SMYD3: variants seen among roughly 807,000 people sequenced by gnomAD.
SMYD3 encodes histone-lysine N-methyltransferase SMYD3.
Under a neutral mutation model 57.7 loss-of-function variants are expected in SMYD3, and 36 were observed. That is an observed-to-expected ratio of 0.62 (90% CI 0.48 to 0.82). SMYD3 has a LOEUF of 0.82. SMYD3 is among the 40% of genes least tolerant of loss of function. SMYD3 has a pLI of 0.00. For missense variants in SMYD3, 515 were observed against 538.8 expected (o/e 0.96, Z 0.44); for synonymous variants, 211 against 195.0 (o/e 1.08, Z -0.68).
chr1:245,913,209 G>C (rs1401223037), intron 8 of SMYD3, among the ~76,000 whole-genome samples: 22 of 152,082 alleles, frequency 1.4e-4, no homozygotes, highest in Admixed American at 3.3e-4. Context: ...CATGTCCTTT[G>C]TAGGGACATG....
intron 10 of SMYD3, among the ~76,000 whole-genome samples, chr1:245,855,310 C>T (rs115068721): frequency 0.02 from 2,249 of 114,650 alleles, 58 homozygotes; most frequent in African/African-American, 0.053. Context: ...TTTTTCTCTC[C>T]GTTTTTAGGG....
chr1:246,286,891 T>G (rs77620882), intron 5 of SMYD3, among the ~76,000 whole-genome samples: 3 of 151,846 alleles, frequency 2.0e-5, no homozygotes, highest in Non-Finnish European at 4.4e-5. Flanking sequence ...TTTTTTTTTT[T>G]GAGACAGTCT....
intron 5 of SMYD3, among the ~76,000 whole-genome samples, chr1:246,105,399 A>G (rs1159046026): frequency 2.6e-5 from 4 of 152,174 alleles, no homozygotes; most frequent in Non-Finnish European, 4.4e-5. Flanking sequence ...AAAATGAACA[A>G]TGATCAATGT....
chr1:245,961,560 T>C lies in SMYD3; in HGVS notation c.532-31623A>G, dbSNP rs141173062. 1.1e-3 allele frequency among the ~76,000 whole-genome samples: 160 copies of C among 151,664 alleles called. 1 individual carries two copies. The highest frequency in any genetic ancestry group is 3.7e-3 in the African/African-American group (153 of 41,194). ...GCCTAAATCATCCTTCTCTTCTACC[T>C]GTTGTTTCTGGAATAGTTTATGTCA... On this transcript the variant is annotated intron_variant, in intron 5 of 11. Transcript: ENST00000490107.
intron 5 of SMYD3, among the ~76,000 whole-genome samples, chr1:246,312,073 A>C (rs917387471): frequency 6.6e-6 from 1 of 152,142 alleles, no homozygotes; most frequent in African/African-American, 2.4e-5. Flanking sequence ...GAATCTCCGC[A>C]ATCTACTTGT....
At position 245,844,645 on chromosome 1, in the gene SMYD3, C is replaced by A. The variant is rs141531884; in HGVS notation, c.1076+13851G>T. On this transcript the variant is annotated intron_variant, in intron 10 of 11. Transcript: ENST00000490107. The stretch of plus-strand genomic sequence containing the variant: ...CTGATCTCTTTTAGTCCCAAGAACG[C>A]TAACGGCCTGCAGTCTTAGGGTTCT... 2.7e-3 allele frequency among the ~76,000 whole-genome samples: 406 copies of A among 150,310 alleles called. 3 individuals are homozygous for A. Among genetic ancestry groups the A allele is most frequent in the African/African-American group, 9.4e-3 (382 of 40,842 alleles).
intron 10 of SMYD3, among the ~76,000 whole-genome samples, chr1:245,770,712 C>A (rs922251772): frequency 6.6e-6 from 1 of 152,090 alleles, no homozygotes; most frequent in African/African-American, 2.4e-5. Context: ...TGGTAAGGTT[C>A]TCATACACAG....
At chr1:246,292,493 G>A (rs2064715275) in intron 5 of SMYD3, among the ~76,000 whole-genome samples, 1 of 152,136 alleles carries the variant, frequency 6.6e-6, no homozygotes, top group Non-Finnish European at 1.5e-5. Context: ...CAGTACCTTA[G>A]ACTTACTATC....
intron 5 of SMYD3, among the ~76,000 whole-genome samples, chr1:246,250,068 C>T (rs183509502): frequency 6.6e-6 from 1 of 152,158 alleles, no homozygotes; most frequent in African/African-American, 2.4e-5. Context: ...TTGATATATA[C>T]CTGCAAAACT....
intron 1 of SMYD3, among the ~76,000 whole-genome samples, chr1:246,410,848 G>C (rs1454305851): frequency 6.6e-6 from 1 of 152,048 alleles, no homozygotes; most frequent in Admixed American, 6.6e-5. Context: ...CAATTTCAGA[G>C]CCTGTTATTG....
chr1:246,305,448 G>GA (rs369320339), intron 5 of SMYD3, among the ~76,000 whole-genome samples: 38 of 151,870 alleles, frequency 2.5e-4, no homozygotes, highest in African/African-American at 8.9e-4. Context: ...TGTTACATTA[G>GA]AAAAAAAAGT....
chr1:246,200,473 A>G (rs2062902819), intron 5 of SMYD3, among the ~76,000 whole-genome samples: 1 of 152,298 alleles, frequency 6.6e-6, no homozygotes, highest in African/African-American at 2.4e-5. Context: ...AAGAATGTAC[A>G]CAGACGCCCA....
chr1:245,751,211 T>C (rs899505455), intron 11 of SMYD3, among the ~76,000 whole-genome samples: 2 of 152,212 alleles, frequency 1.3e-5, no homozygotes, highest in Admixed American at 6.5e-5. Flanking sequence ...CCTTCCAGAA[T>C]AGATTTTTTG....
chr1:246,231,934 T>G (rs2063413872), intron 5 of SMYD3, among the ~76,000 whole-genome samples: 1 of 152,188 alleles, frequency 6.6e-6, no homozygotes, highest in Non-Finnish European at 1.5e-5. Flanking sequence ...TTGGGAGCAC[T>G]GAACAGATTT....
At chr1:246,123,393 C>T (rs761436730) in intron 5 of SMYD3, among the ~76,000 whole-genome samples, 13 of 152,026 alleles carry the variant, frequency 8.6e-5, no homozygotes, top group Non-Finnish European at 1.3e-4. Context: ...ATGGTGAAAC[C>T]CCATCTCTAC....
intron 5 of SMYD3, among the ~76,000 whole-genome samples, chr1:246,036,957 A>T (rs1269229882): frequency 6.6e-6 from 1 of 152,130 alleles, no homozygotes; most frequent in Admixed American, 6.5e-5. Flanking sequence ...ATTTCATATG[A>T]GGACACAAAG....
chr1:245,955,602 A>G (rs547887176), intron 5 of SMYD3, among the ~76,000 whole-genome samples: 5 of 152,296 alleles, frequency 3.3e-5, no homozygotes, highest in African/African-American at 1.2e-4. Flanking sequence ...ATAGTACAGT[A>G]TATTGTTATA....
intron 3 of SMYD3, among the ~76,000 whole-genome samples, chr1:246,332,541 T>TA (rs2065478062): frequency 6.6e-6 from 1 of 152,200 alleles, no homozygotes; most frequent in African/African-American, 2.4e-5. Flanking sequence ...TGCGGTGGCT[T>TA]ACGCCCACAA....
At chr1:246,039,537 T>C (rs1321655839) in intron 5 of SMYD3, among the ~76,000 whole-genome samples, 3 of 152,342 alleles carry the variant, frequency 2.0e-5, no homozygotes, top group Middle Eastern at 3.4e-3. Context: ...AAATGTGGGA[T>C]TGCTGTATCC....
Sources: allele counts gnomAD v4.1 joint callset (sites outside exome capture counted in the v4.1 genomes callset), GRCh38; gene constraint gnomAD v4.1.1; transcripts MANE v1.5; gene names NCBI Gene and HGNC (gene_info 2026-07-23, HGNC 2026-07-21).